TFEB: variants seen among roughly 807,000 people sequenced by gnomAD.
The protein encoded by TFEB is T-cell transcription factor EB.
In TFEB, 12 loss-of-function variants were observed where a neutral mutation model predicts 48.0. That is an observed-to-expected ratio of 0.25 (90% confidence interval 0.16 to 0.40). The LOEUF (loss-of-function observed/expected upper bound fraction) is 0.40. TFEB is among the 10% of genes least tolerant of loss of function. The pLI is 1.00. For missense variants in TFEB, 509 were observed against 640.3 expected (o/e 0.79, Z 2.21); for synonymous variants, 244 against 261.4 (o/e 0.93, Z 0.64).
At chr6:41,697,408 C>CAAAAAAAAAAAAAAAAAAAAAAA (rs56059829) in intron 1 of TFEB, among the ~76,000 whole-genome samples, 22 of 63,490 alleles carry the variant, frequency 3.5e-4, no homozygotes, top group African/African-American at 1.6e-3. Context: ...AACTCCATCT[C>CAAAAAAAAAAAAAAAAAAAAAAA]AAAAAAAAAA....
At chr6:41,698,217 T>C (rs1769711192) in intron 1 of TFEB, among the ~76,000 whole-genome samples, 1 of 152,182 alleles carries the variant, frequency 6.6e-6, no homozygotes, top group South Asian at 2.1e-4. Flanking sequence ...GGTCACTTGC[T>C]GAAGGTCACA....
intron 1 of TFEB, among the ~76,000 whole-genome samples, chr6:41,698,332 C>T (rs938762739): frequency 6.6e-6 from 1 of 152,096 alleles, no homozygotes; most frequent in Non-Finnish European, 1.5e-5. Flanking sequence ...AGGGCGGCCA[C>T]GTTTTGTTTT....
At chr6:41,702,170 A>G (rs1046027775) in intron 1 of TFEB, among the ~76,000 whole-genome samples, 5 of 151,946 alleles carry the variant, frequency 3.3e-5, no homozygotes, top group Admixed American at 6.6e-5. Flanking sequence ...CCCTCAGCGA[A>G]TCCTACAGAG....
Position 41,735,526 on chromosome 6 carries a change from C to T in TFEB, c.-199G>A. On this transcript the variant is annotated 5_prime_UTR_variant, in exon 1 of 9. Coordinates refer to ENST00000373033, the MANE Select transcript of TFEB (RefSeq NM_001271944.2). ...TTCCCGCCGCCGTCGGCGCCGCGGC[C>T]GCTCCCTGCGTCCCGCCCGGGCCGC... The T allele has an allele frequency of 1.0e-6, 1 of 984,756 alleles. No individual in the cohort carries two copies. Among genetic ancestry groups the T allele is most frequent in the Non-Finnish European group, 1.2e-6 (1 of 829,816 alleles). The allele number at this position is 984,756 out of a possible 1,614,324, so 61.0% of individuals were successfully genotyped here.
chr6:41,702,300 G>A (rs751614124), intron 1 of TFEB, among the ~76,000 whole-genome samples: 5 of 152,158 alleles, frequency 3.3e-5, no homozygotes, highest in Non-Finnish European at 7.3e-5. Context: ...TCTGAATCTC[G>A]CTGAGACGGT....
chr6:41,735,413 T>G lies in TFEB; in HGVS notation c.-86A>C. The G allele has an allele frequency of 1.0e-5, 10 of 985,550 alleles. No homozygotes were observed. Among genetic ancestry groups the G allele is most frequent in the Non-Finnish European group, 1.2e-5 (10 of 830,448 alleles). 61.1% of individuals were successfully genotyped at this position (985,550 alleles called of 1,614,324 possible). A position where few individuals can be genotyped will look rare whatever the true frequency, so the allele number is the denominator to read the frequency against. On this transcript the variant is annotated 5_prime_UTR_variant, in exon 1 of 9. Transcript: ENST00000373033. ...GCGGCTCCGGCAACTTGTCGCAAGT[T>G]CGGGTGCCTGGCCCGCAAGCTGTGC...
chr6:41,708,599 C>T (rs1770344259), intron 1 of TFEB, among the ~76,000 whole-genome samples: 1 of 152,216 alleles, frequency 6.6e-6, no homozygotes, highest in African/African-American at 2.4e-5. Context: ...TTATCAGCTT[C>T]CTTGCCTTCC....
At chr6:41,726,236 A>G (rs1009108052) in intron 1 of TFEB, among the ~76,000 whole-genome samples, 1 of 152,250 alleles carries the variant, frequency 6.6e-6, no homozygotes, top group Non-Finnish European at 1.5e-5. Context: ...GTCCAGCGCC[A>G]TTCCATCTGT....
At chr6:41,701,272 C>T (rs1207366802) in intron 1 of TFEB, among the ~76,000 whole-genome samples, 1 of 152,182 alleles carries the variant, frequency 6.6e-6, no homozygotes, top group East Asian at 1.9e-4. Flanking sequence ...ACTGAACCCC[C>T]ACCCCTTGTG....
intron 1 of TFEB, among the ~76,000 whole-genome samples, chr6:41,703,078 C>G (rs566627343): frequency 5.9e-4 from 90 of 152,358 alleles, no homozygotes; most frequent in South Asian, 2.9e-3. Flanking sequence ...GGGGAGCTCC[C>G]TCTCCAGAGC....
In TFEB at chr6:41,734,362, C is replaced by T. The variant is rs902991618; in HGVS notation, c.-23+988G>A. Reference sequence around the variant, plus strand: ...CAGGCGGCTGCGGCGCGAACCTGCTCGCGCAGCCCGGAGCAGCTCGGGGCA... The same window carrying T: ...CAGGCGGCTGCGGCGCGAACCTGCTTGCGCAGCCCGGAGCAGCTCGGGGCA... On this transcript the variant is annotated intron_variant, in intron 1 of 8. Coordinates refer to ENST00000373033, the MANE Select transcript of TFEB (RefSeq NM_001271944.2). The surrounding 1 kb of genome is among the most constrained non-coding windows in gnomAD (Gnocchi z 4.0). The T allele has an allele frequency of 1.3e-5, 13 of 984,624 alleles. No individual in the cohort carries two copies. The highest frequency in any genetic ancestry group is 1.4e-5 in the Non-Finnish European group (12 of 829,684). The allele number at this position is 984,624 out of a possible 1,614,324, so 61.0% of individuals were successfully genotyped here. A position where few individuals can be genotyped will look rare whatever the true frequency, so the allele number is the denominator to read the frequency against.
intron 1 of TFEB, among the ~76,000 whole-genome samples, chr6:41,708,656 C>T (rs1406176144): frequency 6.6e-6 from 1 of 152,232 alleles, no homozygotes; most frequent in Non-Finnish European, 1.5e-5. Context: ...GGGGGAGCCT[C>T]CCAAATAAAC....
At chr6:41,733,499 G>C (rs777375348) in intron 1 of TFEB, 1 of 451,680 alleles carries the variant, frequency 2.2e-6, no homozygotes, top group Admixed American at 6.4e-5. Flanking sequence ...GGCTTCCCTC[G>C]GGGAGAAGCA....
rs1013520274 is a variant in TFEB, at chr6:41,734,390, C to A, written c.-23+960G>T. On this transcript the variant is annotated intron_variant, in intron 1 of 8. Coordinates refer to ENST00000373033, the MANE Select transcript of TFEB (RefSeq NM_001271944.2). The surrounding 1 kb of genome is among the most constrained non-coding windows in gnomAD (Gnocchi z 4.0). ...GCAGCCCGGAGCAGCTCGGGGCAGC[C>A]GTGCGTGAAGCCGGAACCCCGCGCG... 1.1e-4 allele frequency: 112 copies of A among 984,742 alleles called. No homozygotes were observed. Among genetic ancestry groups the A allele is most frequent in the African/African-American group, 4.4e-4 (25 of 57,108 alleles). The allele number at this position is 984,742 out of a possible 1,614,324, so 61.0% of individuals were successfully genotyped here.
rs971407335 is a variant in TFEB at position 41,723,690 on chromosome 6, C to T, written c.-23+11660G>A. 4 of 461,954 alleles carry T rather than the reference C, an allele frequency of 8.7e-6. No homozygotes were observed. The highest frequency in any genetic ancestry group is 1.4e-4 in the East Asian group (2 of 14,002). 28.6% of individuals were successfully genotyped at this position (461,954 alleles called of 1,614,324 possible). On this transcript the variant is annotated intron_variant, in intron 1 of 8. Coordinates refer to ENST00000373033, the MANE Select transcript of TFEB (RefSeq NM_001271944.2). The surrounding 1 kb of genome is among the most constrained non-coding windows in gnomAD (Gnocchi z 6.0). ...ACTCACAGCACAGAGGGAACTGCGC[C>T]CCGACGGCACAGTCCCACACCGCAG...
At chr6:41,693,464 C>T (rs1451399688) in intron 1 of TFEB, among the ~76,000 whole-genome samples, 2 of 152,252 alleles carry the variant, frequency 1.3e-5, no homozygotes, top group East Asian at 3.9e-4. Context: ...GAACCCAGCC[C>T]CAGGCAGCAT....
Position 41,707,028 on chromosome 6 carries a change from A to T in TFEB, c.-22-15793T>A, listed in dbSNP as rs530345704. ...CTTTCATCATCATTCTCTTCCACTC[A>T]TCTGGGCTCCATGCCCTCCTGCCTG... On this transcript the variant is annotated intron_variant, in intron 1 of 8. Coordinates refer to ENST00000373033, the MANE Select transcript of TFEB (RefSeq NM_001271944.2). 2.1e-4 allele frequency among the ~76,000 whole-genome samples: 32 copies of T among 152,092 alleles called. No individual in the cohort carries two copies. The South Asian group carries it at 6.6e-3, about 32-fold the overall frequency.
intron 1 of TFEB, among the ~76,000 whole-genome samples, chr6:41,701,177 G>A (rs1769901377): frequency 6.6e-6 from 1 of 152,218 alleles, no homozygotes; most frequent in Non-Finnish European, 1.5e-5. Context: ...GCACACACGT[G>A]TAGCCGCATC....
intron 4 of TFEB, 35 bp from the exon 5 acceptor site, chr6:41,688,063 TCCCCCTCTCCACGGGGAG>T: frequency 6.3e-7 from 1 of 1,587,710 alleles, no homozygotes; most frequent in African/African-American, 1.3e-5. Flanking sequence ...CCCATGAGTA[TCCCCCTCTCCACGGGGAG>T]CCCCCTCTAG....
Sources: gnomAD v4.1 joint callset for allele counts (sites outside exome capture counted in the v4.1 genomes callset) on GRCh38, gnomAD v4.1.1 for gene constraint, Gnocchi (gnomAD v3.1) non-coding constraint, MANE v1.5 for transcripts, NCBI Gene and HGNC (gene_info 2026-07-23, HGNC 2026-07-21) for gene names.